SGCD: variants seen among roughly 807,000 people sequenced by gnomAD.
SGCD encodes the protein delta-sarcoglycan.
SGCD carries 18 observed loss-of-function variants against 36.6 expected under a neutral mutation model. That is an observed-to-expected ratio of 0.49 (90% CI 0.34 to 0.73). The LOEUF (loss-of-function observed/expected upper bound fraction) is 0.73. SGCD is among the 30% of genes least tolerant of loss of function. The probability of loss-of-function intolerance (pLI) is 0.01; values close to 1 mark genes in which losing one functional copy is unlikely to be tolerated. For missense variants in SGCD, 387 were observed against 346.7 expected (o/e 1.12, Z -0.92); for synonymous variants, 133 against 130.6 (o/e 1.02, Z -0.12).
At chr5:155,728,576 G>A in the SGCD span, among the ~76,000 whole-genome samples, 11 of 152,192 alleles carry the variant, frequency 7.2e-5, no homozygotes, top group African/African-American at 2.7e-4. Flanking sequence ...TCTAAGCAGC[G>A]CGATGCTGCT....
chr5:155,749,553 T>C, the SGCD span, among the ~76,000 whole-genome samples: 38 of 152,212 alleles, frequency 2.5e-4, no homozygotes, highest in African/African-American at 9.2e-4. Flanking sequence ...AAACTTGTAA[T>C]GTGCACACAT....
intron 3 of SGCD, among the ~76,000 whole-genome samples, chr5:156,187,002 GT>G (rs34276174): frequency 4.0e-5 from 6 of 151,650 alleles, no homozygotes; most frequent in Admixed American, 2.0e-4. Flanking sequence ...TTCTTTTCAT[GT>G]TTTTTTTCTA....
the SGCD span, among the ~76,000 whole-genome samples, chr5:155,816,811 CTA>C: frequency 6.6e-6 from 1 of 152,114 alleles, no homozygotes; most frequent in Non-Finnish European, 1.5e-5. Context: ...CAATTAGAAA[CTA>C]TGTCAGTTGG....
intron 8 of SGCD, among the ~76,000 whole-genome samples, chr5:156,758,811 T>C (rs1407827764): frequency 6.6e-6 from 1 of 151,756 alleles, no homozygotes; most frequent in African/African-American, 2.4e-5. Flanking sequence ...AAAGGCTCAC[T>C]AGCATTTAAA....
At chr5:155,782,613 G>T in the SGCD span, among the ~76,000 whole-genome samples, 4 of 152,110 alleles carry the variant, frequency 2.6e-5, no homozygotes, top group Admixed American at 6.6e-5. Context: ...AAGGCAGGGG[G>T]TCTCTAAAAC....
Position 156,039,922 on chromosome 5 carries a change from T to G in SGCD, c.-281-77956T>G, listed in dbSNP as rs550167476. On this transcript the variant is annotated intron_variant, in intron 1 of 9. Coordinates refer to the SGCD transcript ENST00000517913. ...ATTGATGTGCAGTCTCTTCAAATTC[T>G]TCTGAATGGTGCACTGTGAAGATAA... Among the ~76,000 whole-genome samples, 15 of 152,276 alleles carry G rather than the reference T, an allele frequency of 9.9e-5. No individual in the cohort carries two copies. The East Asian group carries it at 1.4e-3, about 14-fold the overall frequency.
intron 3 of SGCD, among the ~76,000 whole-genome samples, chr5:156,425,187 C>G (rs1773620908): frequency 6.6e-6 from 1 of 151,988 alleles, no homozygotes; most frequent in Non-Finnish European, 1.5e-5. Flanking sequence ...CATTATCTGT[C>G]AGTGCACTGA....
chr5:155,979,470 G>A (rs759620629), intron 1 of SGCD, among the ~76,000 whole-genome samples: 3 of 152,148 alleles, frequency 2.0e-5, no homozygotes, highest in Non-Finnish European at 4.4e-5. Context: ...TAGCATGCAA[G>A]ACTTCTATTA....
intron 4 of SGCD, among the ~76,000 whole-genome samples, chr5:156,541,086 AT>A (rs1444054483): frequency 6.6e-6 from 1 of 152,160 alleles, no homozygotes; most frequent in East Asian, 1.9e-4. Flanking sequence ...AATGAGGATA[AT>A]TTCAGGCCAA....
chr5:156,746,528 T>G (rs1347747576), intron 7 of SGCD, among the ~76,000 whole-genome samples: 4 of 152,204 alleles, frequency 2.6e-5, no homozygotes, highest in Non-Finnish European at 4.4e-5. Flanking sequence ...AGCCAGGTAG[T>G]ATCCTGAGGC....
intron 1 of SGCD, among the ~76,000 whole-genome samples, chr5:155,956,070 T>G (rs984677925): frequency 1.2e-4 from 19 of 152,038 alleles, no homozygotes; most frequent in African/African-American, 4.6e-4. Context: ...TAGATTTCTT[T>G]TTTCAGTATC....
At chr5:156,325,107 T>C (rs891184505), upstream of SGCD, among the ~76,000 whole-genome samples, 16 of 152,192 alleles carry the variant, frequency 1.1e-4, no homozygotes, top group Non-Finnish European at 2.9e-5. Context: ...CTCACTGTTT[T>C]TCTTTTCTGT....
chr5:156,648,119 T>C (rs1763300789), intron 7 of SGCD, among the ~76,000 whole-genome samples: 1 of 152,110 alleles, frequency 6.6e-6, no homozygotes, highest in South Asian at 2.1e-4. Flanking sequence ...ACAGAGAGCC[T>C]GAAAACCATT....
intron 4 of SGCD, among the ~76,000 whole-genome samples, chr5:156,547,441 C>CTTTTTTTT (rs398065337): frequency 2.1e-5 from 3 of 145,186 alleles, no homozygotes; most frequent in Non-Finnish European, 1.5e-5. Context: ...GATAATATGA[C>CTTTTTTTT]TTTTTTTTTT....
chr5:156,200,272 A>G lies in SGCD; in HGVS notation c.-44+76253A>G, dbSNP rs1260513792. Among the ~76,000 whole-genome samples the G allele has an allele frequency of 2.0e-5, 3 of 152,088 alleles. 1 individual carries two copies. In the East Asian group the frequency reaches 5.8e-4, roughly 29 times the overall value. On this transcript the variant is annotated intron_variant, in intron 3 of 9. Coordinates refer to the SGCD transcript ENST00000517913. ...CTTCCTTGCTTCAATACATACTGCA[A>G]AACAGCAGTAATCAAGATGTTGTGG...
At chr5:156,198,134 A>G (rs1764063524) in intron 3 of SGCD, among the ~76,000 whole-genome samples, 1 of 152,002 alleles carries the variant, frequency 6.6e-6, no homozygotes, top group African/African-American at 2.4e-5. Flanking sequence ...CTGCCTCTGA[A>G]CTGTGTTTAT....
chr5:156,710,446 T>C (rs1478479245), intron 7 of SGCD, among the ~76,000 whole-genome samples: 1 of 152,212 alleles, frequency 6.6e-6, no homozygotes, highest in Non-Finnish European at 1.5e-5. Flanking sequence ...AAGAGATTTA[T>C]GTTGAGCCAA....
At chr5:156,041,972 A>G (rs1300349302) in intron 1 of SGCD, among the ~76,000 whole-genome samples, 1 of 152,084 alleles carries the variant, frequency 6.6e-6, no homozygotes, top group Non-Finnish European at 1.5e-5. Context: ...TGTCAAGGCA[A>G]AGGTATAAAG....
At chr5:156,536,646 ATCTTT>A (rs1758126813) in intron 4 of SGCD, among the ~76,000 whole-genome samples, 1 of 151,992 alleles carries the variant, frequency 6.6e-6, no homozygotes, top group Non-Finnish European at 1.5e-5. Context: ...TCTGGAGGGA[ATCTTT>A]TCTTCTTCCT....
Sources: gnomAD v4.1 joint callset for allele counts (sites outside exome capture counted in the v4.1 genomes callset) on GRCh38, gnomAD v4.1.1 for gene constraint, MANE v1.5 for transcripts, NCBI Gene and HGNC (gene_info 2026-07-23, HGNC 2026-07-21) for gene names.